GSE1: variants seen among roughly 807,000 people sequenced by gnomAD.
GSE1 encodes the protein genetic suppressor element 1.
A neutral mutation model predicts 112.6 loss-of-function variants in GSE1; 32 were observed. That is an observed-to-expected ratio of 0.28 (90% CI 0.21 to 0.38). The LOEUF is 0.38. GSE1 is among the 10% of genes least tolerant of loss of function. GSE1 has a pLI of 1.00. For missense variants in GSE1, 2,348 were observed against 1,699.2 expected, an observed-to-expected ratio of 1.38 and a Z score of -6.71; for synonymous variants, 1,115 against 735.6, an observed-to-expected ratio of 1.52 and a Z score of -8.35.
chr16:85,596,265 C>T (rs990774801), intron 1 of GSE1, among the ~76,000 whole-genome samples: 1 of 152,174 alleles, frequency 6.6e-6, no homozygotes, highest in Admixed American at 6.5e-5. Flanking sequence ...GCCTGGCCCA[C>T]CTTAGCTGCA....
At chr16:85,656,230 C>A (rs2051917139) in intron 6 of GSE1, 113 bp from the exon 7 acceptor site, 1 of 1,321,056 alleles carries the variant, frequency 7.6e-7, no homozygotes, top group South Asian at 1.4e-5. Context: ...CCTCCCGTCA[C>A]TGTTCAGATT....
At chr16:85,626,827 G>C (rs914713811) in intron 1 of GSE1, among the ~76,000 whole-genome samples, 2 of 152,044 alleles carry the variant, frequency 1.3e-5, no homozygotes, top group African/African-American at 4.8e-5. Flanking sequence ...CCAGCCTCGT[G>C]GGGAGGGGGA....
chr16:85,350,398 T>G (rs2046829137), intron 1 of GSE1, among the ~76,000 whole-genome samples: 1 of 152,148 alleles, frequency 6.6e-6, no homozygotes, highest in Non-Finnish European at 1.5e-5. Flanking sequence ...CCTGTTCTCC[T>G]GACATTTAGC....
chr16:85,523,017 TTG>T (rs2052239716), intron 2 of GSE1, among the ~76,000 whole-genome samples: 1 of 152,020 alleles, frequency 6.6e-6, no homozygotes, highest in Non-Finnish European at 1.5e-5. Flanking sequence ...TGGGCACGTG[TTG>T]TGTGTATGCG....
intron 1 of GSE1, among the ~76,000 whole-genome samples, chr16:85,306,479 C>A (rs2045682444): frequency 6.6e-6 from 1 of 152,194 alleles, no homozygotes; most frequent in Admixed American, 6.5e-5. Context: ...GCCAAGGGCT[C>A]CCCTCAGACT....
intron 1 of GSE1, among the ~76,000 whole-genome samples, chr16:85,569,715 C>G (rs969827078): frequency 6.6e-6 from 1 of 152,218 alleles, no homozygotes; most frequent in Non-Finnish European, 1.5e-5. Flanking sequence ...TCTCGTGTTA[C>G]GTGTGTTTTC....
chr16:85,550,080 A>AC (rs2044850477), intron 2 of GSE1, among the ~76,000 whole-genome samples: 2 of 152,128 alleles, frequency 1.3e-5, no homozygotes, highest in Non-Finnish European at 2.9e-5. Context: ...GTGTGATTAC[A>AC]CGTATCTTCC....
chr16:85,659,214 G>A (rs1427045982), intron 8 of GSE1, among the ~76,000 whole-genome samples: 2 of 152,184 alleles, frequency 1.3e-5, no homozygotes, highest in African/African-American at 4.8e-5. Context: ...CTTGGTGGCT[G>A]TGTTTAAACA....
At chr16:85,516,941 G>GGGCC (rs1486699683) in intron 2 of GSE1, among the ~76,000 whole-genome samples, 11 of 152,106 alleles carry the variant, frequency 7.2e-5, no homozygotes, top group Non-Finnish European at 1.3e-4. Flanking sequence ...GGGACTACAG[G>GGGCC]CGCCTGTCAC....
At chr16:85,452,583 G>A (rs2049716871) in intron 2 of GSE1, among the ~76,000 whole-genome samples, 1 of 152,254 alleles carries the variant, frequency 6.6e-6, no homozygotes, top group Non-Finnish European at 1.5e-5. Flanking sequence ...GGGTGCTGCT[G>A]CATCTCAAAG....
chr16:85,644,809 G>A (rs1006444223), intron 2 of GSE1, among the ~76,000 whole-genome samples: 5 of 152,166 alleles, frequency 3.3e-5, no homozygotes, highest in African/African-American at 2.4e-5. Flanking sequence ...ATCATAGCTC[G>A]GTGAAGCTAT....
intron 2 of GSE1, among the ~76,000 whole-genome samples, chr16:85,499,632 A>C (rs551355899): frequency 6.6e-6 from 1 of 152,278 alleles, no homozygotes; most frequent in Non-Finnish European, 1.5e-5. Flanking sequence ...AATGCACCTC[A>C]GCGTGAATGT....
chr16:85,393,854 G>A (rs2047904077), intron 2 of GSE1, among the ~76,000 whole-genome samples: 1 of 151,734 alleles, frequency 6.6e-6, no homozygotes, highest in African/African-American at 2.4e-5. Context: ...ACCACGGGCA[G>A]GTGGGCCTTC....
chr16:85,600,599 CA>C (rs2047421866), intron 1 of GSE1, among the ~76,000 whole-genome samples: 1 of 151,908 alleles, frequency 6.6e-6, no homozygotes, highest in African/African-American at 2.4e-5. Flanking sequence ...CACACACACA[CA>C]CACACACACA....
At chr16:85,477,854 C>G (rs934294941) in intron 2 of GSE1, among the ~76,000 whole-genome samples, 4 of 152,104 alleles carry the variant, frequency 2.6e-5, no homozygotes, top group Non-Finnish European at 4.4e-5. Flanking sequence ...ACCACCGCGC[C>G]CGGCCTAGGG....
rs1339764435 is a variant in GSE1, at chr16:85,673,833, C to T, written c.*1294C>T. On this transcript the variant is annotated 3_prime_UTR_variant, in exon 16 of 16. Transcript: ENST00000253458. ...AAACCTTTCAGGAAGTCAATGATTT[C>T]TGTGATTGATATAATTCTAAGGTGT... The T allele has an allele frequency of 6.6e-6, 1 of 152,166 alleles. No homozygotes were observed. The highest frequency in any genetic ancestry group is 1.5e-5 in the Non-Finnish European group (1 of 68,040). The allele number at this position is 152,166 out of a possible 1,614,324, so 9.4% of individuals were successfully genotyped here. A position where few individuals can be genotyped will look rare whatever the true frequency, so the allele number is the denominator to read the frequency against.
At chr16:85,205,755 G>C (rs766403947) in intron 1 of GSE1, among the ~76,000 whole-genome samples, 1 of 152,180 alleles carries the variant, frequency 6.6e-6, no homozygotes, top group Non-Finnish European at 1.5e-5. Flanking sequence ...CTGGGGAGCG[G>C]GACCCAGGGG....
rs368368100 is a variant in GSE1 at position 85,345,932 on chromosome 16, CAGAT to C, written c.2284-11522_2284-11519del. Among the ~76,000 whole-genome samples, 567 of 150,118 alleles carry C rather than the reference CAGAT, an allele frequency of 3.8e-3. 2 individuals are homozygous for C. The highest frequency in any genetic ancestry group is 0.019 in the Middle Eastern group (5 of 262). On this transcript the variant is annotated intron_variant, in intron 1 of 2. Transcript: ENST00000637419. ...ATGGGTGGATGGATGACTGGATGGACAGATAGATAGATGGTGGACACATGGACAC... is the reference window on the plus strand; with the variant it reads ...ATGGGTGGATGGATGACTGGATGGACAGATAGATGGTGGACACATGGACAC...
At position 85,638,446 on chromosome 16, in the gene GSE1, C is replaced by A. The variant is rs555193799; in HGVS notation, c.226+4314C>A. 5.3e-5 allele frequency among the ~76,000 whole-genome samples: 8 copies of A among 152,358 alleles called. No individual in the cohort carries two copies. The South Asian group carries it at 1.7e-3, about 32-fold the overall frequency. On this transcript the variant is annotated intron_variant, in intron 2 of 15. Transcript: ENST00000253458. Reference sequence around the variant, plus strand: ...GGGGCGCTTTGGGCAAGGGCAGACGCTTGCGAATCGCCGATGCATGCCCCA... The same window carrying A: ...GGGGCGCTTTGGGCAAGGGCAGACGATTGCGAATCGCCGATGCATGCCCCA...
Sources: allele counts gnomAD v4.1 joint callset (sites outside exome capture counted in the v4.1 genomes callset), GRCh38; gene constraint gnomAD v4.1.1; transcripts MANE v1.5; gene names NCBI Gene and HGNC (gene_info 2026-07-23, HGNC 2026-07-21).